Variants in UNC13C observed in about 807,000 individuals in gnomAD.
The protein encoded by UNC13C is unc-13 homolog C, also known as protein unc-13 homolog C.
Under a neutral mutation model 245.4 loss-of-function variants are expected in UNC13C, and 174 were observed. That is an observed-to-expected ratio of 0.71 (90% confidence interval 0.63 to 0.80). UNC13C has a LOEUF of 0.80. Among genes scored for constraint, UNC13C ranks in the 30% least tolerant of loss-of-function variants. The pLI, the probability that UNC13C is intolerant of heterozygous loss-of-function variation, is 0.00. For missense variants in UNC13C, 2,829 were observed against 2,602.9 expected (o/e 1.09, Z -1.89); for synonymous variants, 992 against 895.1 (o/e 1.11, Z -1.93).
intron 28 of UNC13C, among the ~76,000 whole-genome samples, chr15:54,551,929 A>T (rs939992180): frequency 3.7e-4 from 56 of 151,290 alleles, no homozygotes; most frequent in Non-Finnish European, 7.1e-4. Context: ...ACTCCCATTT[A>T]AAAAAAATGT....
intron 17 of UNC13C, among the ~76,000 whole-genome samples, chr15:54,390,813 G>T (rs918718762): frequency 6.6e-6 from 1 of 152,022 alleles, no homozygotes; most frequent in African/African-American, 2.4e-5. Context: ...AAGAAATTGA[G>T]TAAATATTAT....
At chr15:54,019,356 G>T (rs1007769705) in intron 2 of UNC13C, among the ~76,000 whole-genome samples, 3 of 152,204 alleles carry the variant, frequency 2.0e-5, no homozygotes, top group African/African-American at 7.2e-5. Flanking sequence ...TCAACTCAGA[G>T]ATATTCACGA....
the UNC13C span, among the ~76,000 whole-genome samples, chr15:53,858,814 A>G: frequency 2.0e-5 from 3 of 152,212 alleles, no homozygotes; most frequent in Admixed American, 6.5e-5. Context: ...AAATATGCAT[A>G]TGGTTAATAT....
Position 54,274,774 on chromosome 15 carries a change from C to G in UNC13C, c.3818+9278C>G, listed in dbSNP as rs1425695042. 3.4e-5 allele frequency among the ~76,000 whole-genome samples: 5 copies of G among 146,380 alleles called. No homozygotes were observed. In the East Asian group the frequency reaches 1.0e-3, roughly 30 times the overall value. On this transcript the variant is annotated intron_variant, in intron 10 of 32. Coordinates refer to ENST00000260323, the MANE Select transcript of UNC13C (RefSeq NM_001080534.3). The stretch of plus-strand genomic sequence containing the variant: ...GCAAGCTCCGCCTCCTGGGTTCACC[C>G]CATTCTCCTGCCTCAGCCTCCCGAG...
At chr15:54,286,036 C>A (rs1283303524) in intron 10 of UNC13C, among the ~76,000 whole-genome samples, 1 of 151,954 alleles carries the variant, frequency 6.6e-6, no homozygotes, top group African/African-American at 2.4e-5. Flanking sequence ...TGCCACCATG[C>A]CAGGCTAATT....
chr15:54,351,098 A>G (rs1427092331), intron 17 of UNC13C, among the ~76,000 whole-genome samples: 2 of 152,178 alleles, frequency 1.3e-5, no homozygotes, highest in Non-Finnish European at 2.9e-5. Context: ...ACATTTTAGT[A>G]AGTCAAATTA....
chr15:53,994,638 T>G (rs1206683014), intron 1 of UNC13C, among the ~76,000 whole-genome samples: 1 of 152,030 alleles, frequency 6.6e-6, no homozygotes, highest in Non-Finnish European at 1.5e-5. Context: ...AATTCTTACT[T>G]TTACTACAAA....
At chr15:54,029,840 T>C (rs992075394) in intron 2 of UNC13C, among the ~76,000 whole-genome samples, 1 of 152,166 alleles carries the variant, frequency 6.6e-6, no homozygotes, top group Admixed American at 6.5e-5. Flanking sequence ...CCAGAGCATA[T>C]GGTCATGCTC....
At chr15:53,917,666 C>T in the UNC13C span, among the ~76,000 whole-genome samples, 2 of 152,194 alleles carry the variant, frequency 1.3e-5, no homozygotes, top group African/African-American at 2.4e-5. Flanking sequence ...TCTCTTTCCC[C>T]ACTCCACTCA....
intron 2 of UNC13C, among the ~76,000 whole-genome samples, chr15:54,082,403 G>A (rs535730985): frequency 1.4e-4 from 22 of 152,130 alleles, no homozygotes; most frequent in Admixed American, 5.2e-4. Context: ...TCATAATGCC[G>A]ATTAGTCATA....
At chr15:53,987,189 A>G (rs1488564828) in intron 1 of UNC13C, among the ~76,000 whole-genome samples, 1 of 152,086 alleles carries the variant, frequency 6.6e-6, no homozygotes, top group Non-Finnish European at 1.5e-5. Context: ...TGATAAACAG[A>G]TATTTTAGAT....
chr15:54,296,465 G>A (rs1056285973), intron 11 of UNC13C, among the ~76,000 whole-genome samples: 8 of 148,128 alleles, frequency 5.4e-5, no homozygotes, highest in African/African-American at 1.5e-4. Flanking sequence ...TGATCCTCCC[G>A]CCTCGGCCTC....
chr15:54,370,410 C>T (rs1179304467), intron 17 of UNC13C, among the ~76,000 whole-genome samples: 2 of 152,086 alleles, frequency 1.3e-5, no homozygotes, highest in African/African-American at 4.8e-5. Flanking sequence ...GACATTTAGA[C>T]ATATAGATTT....
the UNC13C span, among the ~76,000 whole-genome samples, chr15:53,884,813 C>G: frequency 2.6e-5 from 4 of 152,122 alleles, no homozygotes; most frequent in East Asian, 1.9e-4. Flanking sequence ...CTAGTTCCCC[C>G]CTCTTTCCCT....
chr15:54,262,228 A>G (rs527560701), intron 8 of UNC13C, among the ~76,000 whole-genome samples: 1 of 152,232 alleles, frequency 6.6e-6, no homozygotes, highest in African/African-American at 2.4e-5. Flanking sequence ...AGTATATTTA[A>G]CTCTCCATGA....
intron 2 of UNC13C, among the ~76,000 whole-genome samples, chr15:54,118,238 C>A (rs2030414950): frequency 6.6e-6 from 1 of 151,856 alleles, no homozygotes; most frequent in African/African-American, 2.4e-5. Flanking sequence ...CTGTGGATTT[C>A]TTTGGGTACT....
chr15:54,424,393 G>GT (rs973160279), intron 19 of UNC13C, among the ~76,000 whole-genome samples: 10 of 151,502 alleles, frequency 6.6e-5, no homozygotes, highest in South Asian at 6.2e-4. Context: ...GGAAACCATG[G>GT]TTTTTTTTGT....
At chr15:53,979,149 G>C (rs1893822164) in intron 1 of UNC13C, among the ~76,000 whole-genome samples, 1 of 152,046 alleles carries the variant, frequency 6.6e-6, no homozygotes. Flanking sequence ...AAAGAATTCA[G>C]AATGATAAAT....
chr15:53,923,188 C>T, the UNC13C span, among the ~76,000 whole-genome samples: 2 of 152,208 alleles, frequency 1.3e-5, no homozygotes, highest in Non-Finnish European at 2.9e-5. Flanking sequence ...AAAGCTGTCC[C>T]ATTCACCCAG....
Sources: gnomAD v4.1 joint callset for allele counts (sites outside exome capture counted in the v4.1 genomes callset) on GRCh38, gnomAD v4.1.1 for gene constraint, MANE v1.5 for transcripts, NCBI Gene and HGNC (gene_info 2026-07-23, HGNC 2026-07-21) for gene names.